The following CA10 variants were observed in gnomAD, a reference collection of about 807,000 sequenced individuals.
The protein encoded by CA10 is carbonic anhydrase 10 (inactive), also known as carbonic anhydrase-related protein 10.
A neutral mutation model predicts 44.2 loss-of-function variants in CA10; 14 were observed. The observed-to-expected ratio is 0.32, with a 90% CI of 0.21 to 0.50. The LOEUF (loss-of-function observed/expected upper bound fraction) is 0.50. Among genes scored for constraint, CA10 ranks in the 20% least tolerant of loss-of-function variants. The pLI, the probability that CA10 is intolerant of heterozygous loss-of-function variation, is 0.99. For missense variants in CA10, 350 were observed against 409.7 expected (o/e 0.85, Z 1.26); for synonymous variants, 159 against 141.6 (o/e 1.12, Z -0.87).
chr17:52,017,079 C>T (rs538675262), intron 2 of CA10, among the ~76,000 whole-genome samples: 33 of 152,152 alleles, frequency 2.2e-4, no homozygotes, highest in East Asian at 1.2e-3. Context: ...CTGTACATTC[C>T]GCAGAACTGT....
At chr17:51,782,472 A>G (rs888202108) in intron 3 of CA10, among the ~76,000 whole-genome samples, 9 of 152,206 alleles carry the variant, frequency 5.9e-5, no homozygotes, top group African/African-American at 2.2e-4. Context: ...GGCCCACTGG[A>G]CTAGAATCTT....
At chr17:51,813,525 A>G (rs1292197073) in intron 3 of CA10, among the ~76,000 whole-genome samples, 2 of 151,854 alleles carry the variant, frequency 1.3e-5, no homozygotes, top group Non-Finnish European at 2.9e-5. Flanking sequence ...CCAGTAACTC[A>G]CTCTCAGGTG....
intron 1 of CA10, among the ~76,000 whole-genome samples, chr17:52,083,364 A>AT: frequency 1.3e-5 from 2 of 152,248 alleles, no homozygotes; most frequent in Admixed American, 1.3e-4. Flanking sequence ...TAAATCACAA[A>AT]TTTGCTACTA....
intron 3 of CA10, among the ~76,000 whole-genome samples, chr17:51,857,075 T>A (rs897735624): frequency 1.3e-5 from 2 of 152,172 alleles, no homozygotes; most frequent in Admixed American, 1.3e-4. Context: ...GATACCACAA[T>A]TACATAAATC....
chr17:51,895,655 TAAC>T (rs1981038014), intron 3 of CA10, among the ~76,000 whole-genome samples: 1 of 152,054 alleles, frequency 6.6e-6, no homozygotes, highest in South Asian at 2.1e-4. Flanking sequence ...AGTAAAAAAT[TAAC>T]AATCTGGAAC....
chr17:52,103,004 G>A (rs540774520), intron 1 of CA10, among the ~76,000 whole-genome samples: 5 of 151,644 alleles, frequency 3.3e-5, no homozygotes, highest in African/African-American at 4.8e-5. Context: ...CTATGTGCAC[G>A]CACTTCTCAC....
At chr17:51,696,091 A>G (rs1307209679) in intron 4 of CA10, among the ~76,000 whole-genome samples, 1 of 152,138 alleles carries the variant, frequency 6.6e-6, no homozygotes, top group African/African-American at 2.4e-5. Flanking sequence ...AGATTTTTAC[A>G]TCTATGTTCA....
chr17:52,103,790 T>C (rs1015506354), intron 1 of CA10, among the ~76,000 whole-genome samples: 3 of 152,188 alleles, frequency 2.0e-5, no homozygotes, highest in Non-Finnish European at 4.4e-5. Context: ...ATAGCCCAAG[T>C]TTCTCCTTAC....
At chr17:52,045,670 A>G (rs1347307914) in intron 2 of CA10, among the ~76,000 whole-genome samples, 1 of 152,022 alleles carries the variant, frequency 6.6e-6, no homozygotes, top group Non-Finnish European at 1.5e-5. Flanking sequence ...TGGAGATTTC[A>G]ACACACCTCA....
chr17:51,705,105 T>A (rs1915724266), intron 4 of CA10, among the ~76,000 whole-genome samples: 1 of 152,204 alleles, frequency 6.6e-6, no homozygotes, highest in African/African-American at 2.4e-5. Flanking sequence ...CTCTTCCCAG[T>A]TCTCCAGCTC....
At chr17:51,645,816 A>C (rs527797014) in intron 6 of CA10, among the ~76,000 whole-genome samples, 6 of 152,224 alleles carry the variant, frequency 3.9e-5, no homozygotes, top group Non-Finnish European at 8.8e-5. Flanking sequence ...TTTTCAGGAA[A>C]TGTTCACTTC....
intron 2 of CA10, among the ~76,000 whole-genome samples, chr17:51,931,354 T>C (rs184472496): frequency 1.8e-3 from 277 of 152,260 alleles, no homozygotes; most frequent in African/African-American, 6.2e-3. Context: ...TTTTCTTGTT[T>C]GAGGCCCACT....
intron 3 of CA10, among the ~76,000 whole-genome samples, chr17:51,806,529 A>C (rs1907146518): frequency 1.3e-5 from 2 of 152,260 alleles, no homozygotes; most frequent in South Asian, 4.1e-4. Flanking sequence ...AATAAAAATG[A>C]GAAAGAAAAA....
intron 3 of CA10, among the ~76,000 whole-genome samples, chr17:51,754,400 GATATAT>G (rs56145404): frequency 0.09 from 6,488 of 72,194 alleles, 434 homozygotes; most frequent in Middle Eastern, 0.12. Context: ...GTGTGTGTGT[GATATAT>G]ATATATATAT....
chr17:51,659,398 A>G (rs574984337), intron 4 of CA10, among the ~76,000 whole-genome samples: 3 of 152,276 alleles, frequency 2.0e-5, no homozygotes, highest in East Asian at 1.9e-4. Context: ...CAGACTGCAC[A>G]TTGTGGGACT....
chr17:51,661,793 A>G (rs1028471969), intron 4 of CA10: 1 of 152,212 alleles, frequency 6.6e-6, no homozygotes, highest in Non-Finnish European at 1.5e-5. Context: ...ACTTTTAAAG[A>G]GAAATGCATT....
At chr17:51,938,396 C>T (rs947524368) in intron 2 of CA10, among the ~76,000 whole-genome samples, 2 of 152,022 alleles carry the variant, frequency 1.3e-5, no homozygotes, top group Non-Finnish European at 2.9e-5. Context: ...CTTTCAGATG[C>T]CCACCCAACC....
chr17:51,657,922 T>G (rs1030937646), intron 4 of CA10, among the ~76,000 whole-genome samples: 3 of 152,258 alleles, frequency 2.0e-5, no homozygotes, highest in African/African-American at 7.2e-5. Flanking sequence ...AAGAGATGCC[T>G]TGAGGGCTTC....
At chr17:51,955,604 A>G (rs1313608088) in intron 2 of CA10, among the ~76,000 whole-genome samples, 1 of 152,128 alleles carries the variant, frequency 6.6e-6, no homozygotes, top group African/African-American at 2.4e-5. Context: ...CCTGTTTCTG[A>G]GAAACCTTCC....
Sources: gnomAD v4.1 joint callset for allele counts (sites outside exome capture counted in the v4.1 genomes callset) on GRCh38, gnomAD v4.1.1 for gene constraint, MANE v1.5 for transcripts, NCBI Gene and HGNC (gene_info 2026-07-23, HGNC 2026-07-21) for gene names.